Variants in CENPT observed in about 807,000 individuals in gnomAD.
CENPT encodes the protein centromere protein T, also known as interphase centromere complex protein 22.
In CENPT, 42 loss-of-function variants were observed where a neutral mutation model predicts 59.7. The ratio of observed to expected loss-of-function variants is 0.70; its 90% CI spans 0.55 to 0.91. CENPT has a LOEUF of 0.91. Among genes scored for constraint, CENPT ranks in the 40% least tolerant of loss-of-function variants. The pLI is 0.00. For synonymous variants in CENPT, 295 were observed against 289.6 expected, an observed-to-expected ratio of 1.02 and a Z score of -0.19; for missense variants, 716 against 713.4, an observed-to-expected ratio of 1.00 and a Z score of -0.04.
intron 1 of CENPT, among the ~76,000 whole-genome samples, chr16:67,846,472 A>G (rs1334065422): frequency 6.6e-6 from 1 of 152,254 alleles, no homozygotes; most frequent in African/African-American, 2.4e-5. Context: ...AAGGCCACAC[A>G]GCTCGGAAGA....
At chr16:67,840,254 C>T (rs1175376187) in intron 1 of CENPT, among the ~76,000 whole-genome samples, 1 of 152,086 alleles carries the variant, frequency 6.6e-6, no homozygotes. Flanking sequence ...GGAGGCAGAG[C>T]TTGCAGTGAG....
At chr16:67,834,231 T>C (rs2057720909) in intron 3 of CENPT, 131 bp from the exon 4 acceptor site, 1 of 193,384 alleles carries the variant, frequency 5.2e-6, no homozygotes, top group African/African-American at 2.3e-5. Context: ...TAGAAGGCTC[T>C]CTCATTCCCA....
chr16:67,841,006 AATACATATATATATATATATATATATAT>A (rs1485304189), intron 1 of CENPT, among the ~76,000 whole-genome samples: 2 of 66,458 alleles, frequency 3.0e-5, no homozygotes, highest in Non-Finnish European at 4.9e-5. Flanking sequence ...CTAAATACAA[AATACATATATATATATATATATATATAT>A]ATATATATAT....
Position 67,832,482 on chromosome 16 carries a change from T to C in CENPT, c.174A>G (p.Ile58Met). ...TGGCTCCATGGGAACGCCCTCTGGC[T>C]ATCGTCCTTGTTTGGCCACTCAACT... ...PRKLSGQTRTIARGRSHGARS... is the reference protein window; with the variant it reads ...PRKLSGQTRTMARGRSHGARS... The change falls in exon 5 of 16, where the codon ATA becomes ATG. Residue 58 changes from isoleucine to methionine, a missense_variant. Ile to Met is a conservative substitution (Grantham distance 10, BLOSUM62 1). Transcript: ENST00000562787. The C allele has an allele frequency of 6.2e-7, 1 of 1,614,210 alleles. No individual in the cohort carries two copies. The highest frequency in any genetic ancestry group is 8.5e-7 in the Non-Finnish European group (1 of 1,180,038).
At position 67,842,524 on chromosome 16, in the gene CENPT, G is replaced by A. The variant is rs2057769039; in HGVS notation, c.-492+4877C>T. 4.1e-6 allele frequency: 6 copies of A among 1,473,778 alleles called. No individual in the cohort carries two copies. The highest frequency in any genetic ancestry group is 1.4e-5 in the African/African-American group (1 of 71,044). The allele number at this position is 1,473,778 out of a possible 1,614,324, so 91.3% of individuals were successfully genotyped here. On this transcript the variant is annotated intron_variant, in intron 1 of 15. Coordinates refer to ENST00000562787, the MANE Select transcript of CENPT (RefSeq NM_025082.4). This position sits in a 1 kb window ranked among gnomAD's most constrained non-coding sequence, Gnocchi z 4.9. ...GGGCCGTCGAAGAGCGCAGGAGGCC[G>A]GTGGGCCGGGCCGGGCCGCGCGGCG...
Position 67,843,171 on chromosome 16 carries a change from C to T in CENPT, c.-492+4230G>A. ...GCCGCAGAGGGCGCAGCCGCTGCGG[C>T]CGCCGCGTCGGAGTTACAGGCTGCT... On this transcript the variant is annotated intron_variant, in intron 1 of 15. Transcript: ENST00000562787. The surrounding 1 kb of genome is among the most constrained non-coding windows in gnomAD (Gnocchi z 5.7). 1 of 1,610,402 alleles carries T rather than the reference C, an allele frequency of 6.2e-7. No individual in the cohort carries two copies. The highest frequency in any genetic ancestry group is 8.5e-7 in the Non-Finnish European group (1 of 1,179,500).
In CENPT at chr16:67,842,336, C is replaced by A; in HGVS notation, c.-492+5065G>T. ...GGCGTCCCCGGGGCCCACTCCCGAG[C>A]GCAGGCGGGCAGCCAGGCGGGCGGC... On this transcript the variant is annotated intron_variant, in intron 1 of 15. Coordinates refer to ENST00000562787, the MANE Select transcript of CENPT (RefSeq NM_025082.4). The surrounding 1 kb of genome is among the most constrained non-coding windows in gnomAD (Gnocchi z 4.9). The A allele has an allele frequency of 5.3e-6, 1 of 188,108 alleles. No individual in the cohort carries two copies. The highest frequency in any genetic ancestry group is 1.1e-5 in the Non-Finnish European group (1 of 94,124). 11.7% of individuals were successfully genotyped at this position (188,108 alleles called of 1,614,324 possible). A position where few individuals can be genotyped will look rare whatever the true frequency, so the allele number is the denominator to read the frequency against.
Position 67,843,666 on chromosome 16 carries a change from A to G in CENPT, c.-492+3735T>C. The G allele has an allele frequency of 4.4e-6, 3 of 674,230 alleles. No individual in the cohort carries two copies. The highest frequency in any genetic ancestry group is 7.5e-6 in the Non-Finnish European group (3 of 401,432). The allele number at this position is 674,230 out of a possible 1,614,324, so 41.8% of individuals were successfully genotyped here. ...GGCATCCTCAATTGTTTCCTCCTGA[A>G]GTGGAAGCTGGGGCCTTAGACTCTG... On this transcript the variant is annotated intron_variant, in intron 1 of 15. Transcript: ENST00000562787. The surrounding 1 kb of genome is among the most constrained non-coding windows in gnomAD (Gnocchi z 5.7).
intron 11 of CENPT, 148 bp from the exon 12 acceptor site, chr16:67,830,236 C>A: frequency 8.1e-7 from 1 of 1,232,422 alleles, no homozygotes; most frequent in South Asian, 1.3e-5. Flanking sequence ...GATCTGAAGT[C>A]TCCTGGCCCA....
In CENPT at chr16:67,829,990, C is replaced by T. The variant is rs377015426; in HGVS notation, c.961G>A (p.Asp321Asn). 1 of 1,614,148 alleles carries T rather than the reference C, an allele frequency of 6.2e-7. No individual in the cohort carries two copies. Among genetic ancestry groups the T allele is most frequent in the Non-Finnish European group, 8.5e-7 (1 of 1,180,062 alleles). The change falls in exon 12 of 16, where the codon GAT (aspartate) becomes AAT (asparagine). Residue 321 changes from aspartate (D) to asparagine (N), a missense_variant. By Grantham distance (23) the Asp-to-Asn change is conservative. Transcript: ENST00000562787. Reference protein sequence around the residue: ...LSTSSGVSGEDEVEPLHDGVE... With the variant: ...LSTSSGVSGENEVEPLHDGVE... ...CCATCGTGTAAGGGCTCTACTTCAT[C>T]TTCTCCAGAGACACCACTGCTGGTG...
Position 67,842,560 on chromosome 16 carries a change from T to C in CENPT, c.-492+4841A>G, listed in dbSNP as rs746904719. 1.3e-6 allele frequency: 2 copies of C among 1,527,698 alleles called. No homozygotes were observed. The highest frequency in any genetic ancestry group is 2.4e-5 in the South Asian group (2 of 81,910). 94.6% of individuals were successfully genotyped at this position (1,527,698 alleles called of 1,614,324 possible). ...CCGGGCCGCGCGGCGCAGCCATGCCTGGCTTTACGTGCTGCGTGCCAGGCT... is the reference window on the plus strand; with the variant it reads ...CCGGGCCGCGCGGCGCAGCCATGCCCGGCTTTACGTGCTGCGTGCCAGGCT... On this transcript the variant is annotated intron_variant, in intron 1 of 15. Coordinates refer to ENST00000562787, the MANE Select transcript of CENPT (RefSeq NM_025082.4). This position sits in a 1 kb window ranked among gnomAD's most constrained non-coding sequence, Gnocchi z 4.9.
At position 67,828,183 on chromosome 16, in the gene CENPT, TG is replaced by T. The variant is rs1001001176; in HGVS notation, c.*83del. 35 of 1,066,142 alleles carry T rather than the reference TG, an allele frequency of 3.3e-5. No homozygotes were observed. The highest frequency in any genetic ancestry group is 2.7e-4 in the Admixed American group (9 of 33,010). The allele number at this position is 1,066,142 out of a possible 1,614,324, so 66.0% of individuals were successfully genotyped here. ...TCTGTTTATGACACTTTATTGATGC[TG>T]GGGGGGTGGGGAGGAGACCTGGAGA... On this transcript the variant is annotated 3_prime_UTR_variant, in exon 16 of 16. Coordinates refer to ENST00000562787, the MANE Select transcript of CENPT (RefSeq NM_025082.4).
intron 1 of CENPT, among the ~76,000 whole-genome samples, chr16:67,841,193 C>CAAAAAAAA (rs772893427): frequency 3.6e-5 from 1 of 27,572 alleles, no homozygotes; most frequent in African/African-American, 1.0e-4. Flanking sequence ...GACTCCTTTA[C>CAAAAAAAA]AAAAAAAAAA....
At position 67,842,194 on chromosome 16, in the gene CENPT, G is replaced by A. The variant is rs901633218; in HGVS notation, c.-492+5207C>T. On this transcript the variant is annotated intron_variant, in intron 1 of 15. Transcript: ENST00000562787. The surrounding 1 kb of genome is among the most constrained non-coding windows in gnomAD (Gnocchi z 4.9). Reference sequence around the variant, plus strand: ...CTGGGGAAAGAATCTGCTCTTCGGAGGCTATCGCAGTGCCTTGGAAGGCGG... The same window carrying A: ...CTGGGGAAAGAATCTGCTCTTCGGAAGCTATCGCAGTGCCTTGGAAGGCGG... The A allele has an allele frequency of 6.5e-6, 1 of 152,712 alleles. No homozygotes were observed. The highest frequency in any genetic ancestry group is 1.5e-5 in the Non-Finnish European group (1 of 68,372). The allele number at this position is 152,712 out of a possible 1,614,324, so 9.5% of individuals were successfully genotyped here. A position where few individuals can be genotyped will look rare whatever the true frequency, so the allele number is the denominator to read the frequency against.
chr16:67,840,837 C>G (rs1041404425), intron 1 of CENPT, among the ~76,000 whole-genome samples: 1 of 151,594 alleles, frequency 6.6e-6, no homozygotes, highest in Non-Finnish European at 1.5e-5. Context: ...CCTGGCTTTC[C>G]ACAACATTTT....
In CENPT at chr16:67,830,433, G is replaced by T. The variant is rs747138104; in HGVS notation, c.819C>A (p.Ala273=). 2.5e-6 allele frequency: 4 copies of T among 1,613,978 alleles called. No individual in the cohort carries two copies. Among genetic ancestry groups the T allele is most frequent in the Non-Finnish European group, 3.4e-6 (4 of 1,179,932 alleles). Residue 273 remains alanine, a synonymous_variant, in exon 11 of 16, where the codon GCC becomes GCA. Coordinates refer to ENST00000562787, the MANE Select transcript of CENPT (RefSeq NM_025082.4). ...HTGAEDAEQA[A]GRKTQSSGPG... The stretch of plus-strand genomic sequence containing the variant: ...GCCCACTGCTCTGTGTCTTGCGACC[G>T]GCAGCCTGCTCAGCGTCTTCAGCCC...
chr16:67,832,542 G>C lies in CENPT; in HGVS notation c.114C>G (p.Ala38=), dbSNP rs777237024. 2.9e-5 allele frequency: 46 copies of C among 1,613,690 alleles called. No individual in the cohort carries two copies. Among genetic ancestry groups the C allele is most frequent in the Non-Finnish European group, 3.9e-5 (46 of 1,179,738 alleles). Reference sequence around the variant, plus strand: ...AAGCCGTTTCAAGCAGGGCTCTCCGGGCTCTGTGTAAAGACCAGCAATTAT... The same window carrying C: ...AAGCCGTTTCAAGCAGGGCTCTCCGCGCTCTGTGTAAAGACCAGCAATTAT... ...PRRPRSARAG[A]RRALLETASP... is the part of the protein sequence containing the mutation. The change falls in exon 5 of 16, where the codon GCC becomes GCG. Residue 38 remains alanine, a synonymous_variant. Transcript: ENST00000562787.
At chr16:67,833,606 G>T (rs1033439306) in intron 4 of CENPT, 144 bp downstream of exon 4, 1 of 491,980 alleles carries the variant, frequency 2.0e-6, no homozygotes. Flanking sequence ...TCTTCGAACA[G>T]AGTCGACGCT....
chr16:67,830,906 G>C, intron 10 of CENPT: 1 of 518,558 alleles, frequency 1.9e-6, no homozygotes, highest in Non-Finnish European at 3.5e-6. Flanking sequence ...CAGGCTCCCA[G>C]GTCAGTTTGA....
Sources: gnomAD v4.1 joint callset for allele counts (sites outside exome capture counted in the v4.1 genomes callset) on GRCh38, gnomAD v4.1.1 for gene constraint, Gnocchi (gnomAD v3.1) non-coding constraint, MANE v1.5 for transcripts, NCBI Gene and HGNC (gene_info 2026-07-23, HGNC 2026-07-21) for gene names.